Variants in KRT74 observed in about 807,000 individuals in gnomAD.
KRT74 encodes the protein keratin, type II cytoskeletal 74.
KRT74 carries 43 observed loss-of-function variants against 42.7 expected under a neutral mutation model. That is an observed-to-expected ratio of 1.01 (90% CI 0.79 to 1.30). The LOEUF (loss-of-function observed/expected upper bound fraction) is 1.30. Ranked by LOEUF, KRT74 falls within the 50% of genes most tolerant of loss-of-function variation. The pLI, the probability that KRT74 is intolerant of heterozygous loss-of-function variation, is 0.00. For missense variants in KRT74, 736 were observed against 689.1 expected, an observed-to-expected ratio of 1.07 and a Z score of -0.76; for synonymous variants, 302 against 279.0, an observed-to-expected ratio of 1.08 and a Z score of -0.82.
intron 6 of KRT74, among the ~76,000 whole-genome samples, chr12:52,568,966 G>C (rs1177629456): frequency 1.3e-5 from 2 of 152,158 alleles, no homozygotes; most frequent in Non-Finnish European, 2.9e-5. Flanking sequence ...TGAACATCTG[G>C]GGGGCATTGC....
At chr12:52,570,116 C>A (rs980313298) in intron 5 of KRT74, 132 bp from the exon 6 acceptor site, 5 of 1,014,836 alleles carry the variant, frequency 4.9e-6, no homozygotes, top group Non-Finnish European at 7.4e-6. Context: ...GGGACAGGGT[C>A]CTGGGGGCCC....
rs1939502015 is a variant in KRT74, at chr12:52,572,464, G to T, written c.675C>A (p.Asp225Glu). The T allele has an allele frequency of 6.2e-7, 1 of 1,613,990 alleles. No homozygotes were observed. The highest frequency in any genetic ancestry group is 8.5e-7 in the Non-Finnish European group (1 of 1,179,922). Residue 225 changes from aspartate to glutamate, a missense_variant, in exon 2 of 9, where the codon GAC becomes GAA. Transcript: ENST00000305620. ...ELRSMRDLVEDYKKRYEVEIN... is the reference protein window; with the variant it reads ...ELRSMRDLVEEYKKRYEVEIN... Reference sequence around the variant, plus strand: ...TGGAGCCTGCTCACCTCTTCTTATAGTCCTCCACCAGATCCCTCATGCTTC... The same window carrying T: ...TGGAGCCTGCTCACCTCTTCTTATATTCCTCCACCAGATCCCTCATGCTTC...
chr12:52,570,810 G>A lies in KRT74; in HGVS notation c.867C>T (p.His289=), dbSNP rs371350159. The change falls in exon 5 of 9, where the codon CAC becomes CAT. Residue 289 remains histidine (H), a synonymous_variant. Transcript: ENST00000305620. ...YDAEIAQIQT[H]ASETSVILSM... ...ACAGGATGACAGAGGTCTCACTGGC[G>A]TGAGTCTGGATCTGAGCGATCTCCT... 2.2e-5 allele frequency: 36 copies of A among 1,614,126 alleles called. No individual in the cohort carries two copies. Among genetic ancestry groups the A allele is most frequent in the Admixed American group, 3.3e-5 (2 of 60,016 alleles).
Position 52,572,001 on chromosome 12 carries a change from A to G in KRT74, c.690T>C (p.Tyr230=), listed in dbSNP as rs1170903281. The G allele has an allele frequency of 3.1e-6, 5 of 1,589,772 alleles. No homozygotes were observed. The highest frequency in any genetic ancestry group is 4.3e-6 in the Non-Finnish European group (5 of 1,158,334). The part of the protein sequence containing the change: ...RDLVEDYKKR[Y]EVEINRRTTA... ...TCGTGCGCCGGTTAATCTCCACTTC[A>G]TATCTGCCAGCAGGGAGAGTAGATG... Residue 230 remains tyrosine, a synonymous_variant, in exon 3 of 9, where the codon TAT becomes TAC. Transcript: ENST00000305620.
chr12:52,573,453 G>A lies in KRT74; in HGVS notation c.325C>T (p.Pro109Ser), dbSNP rs1939525623. ...ACAGTGACCTGGTGGATGCCCCCAG[G>A]TGGGCACACAGACAAACATGCAGGC... is the stretch of plus-strand genomic sequence containing the variant. ...LGPACLSVCP[P>S]GGIHQVTVNK... Residue 109 changes from proline to serine, a missense_variant, in exon 1 of 9, where the codon CCT becomes TCT. Transcript: ENST00000305620. 2 of 1,614,060 alleles carry A rather than the reference G, an allele frequency of 1.2e-6. No individual in the cohort carries two copies. The highest frequency in any genetic ancestry group is 1.7e-6 in the Non-Finnish European group (2 of 1,180,042).
chr12:52,567,758 G>T, intron 7 of KRT74, 65 bp from the exon 8 acceptor site: 1 of 1,198,196 alleles, frequency 8.3e-7, no homozygotes, highest in Non-Finnish European at 1.2e-6. Context: ...ACATCAATGG[G>T]CTCCTGCTTT....
intron 6 of KRT74, chr12:52,569,479 A>G (rs1231939427): frequency 3.2e-6 from 2 of 615,932 alleles, no homozygotes; most frequent in Non-Finnish European, 5.8e-6. Flanking sequence ...GTCTGCCCTC[A>G]GAGGGGGCAC....
At chr12:52,567,637 G>C (rs1939402635) in intron 8 of KRT74, 22 bp downstream of exon 8, 1 of 1,592,334 alleles carries the variant, frequency 6.3e-7, no homozygotes, top group African/African-American at 1.3e-5. Context: ...CCCAACCCAA[G>C]GCATCTCTCA....
At position 52,573,207 on chromosome 12, in the gene KRT74, A is replaced by T; in HGVS notation, c.471+100T>A. The T allele has an allele frequency of 2.5e-6, 3 of 1,200,286 alleles. No homozygotes were observed. The East Asian group carries it at 7.0e-5, about 28-fold the overall frequency. 74.4% of individuals were successfully genotyped at this position (1,200,286 alleles called of 1,614,324 possible). A position where few individuals can be genotyped will look rare whatever the true frequency, so the allele number is the denominator to read the frequency against. On this transcript the variant is annotated intron_variant, in intron 1 of 8. Transcript: ENST00000305620. ...GGTGAGGAAGCCCTTCCTGAGGCCC[A>T]GCTGCACCTTTCCAGCCACAGTGTG...
chr12:52,573,652 G>T lies in KRT74; in HGVS notation c.126C>A (p.Gly42=). ...AGAGGCTCCGACTGCCAAAGCCAGC[G>T]CCAGCCCCTCTGCCAGCTGCACAGT... ...ASYCAAGRGA[G]AGFGSRSLYS... The change falls in exon 1 of 9, where the codon GGC becomes GGA. Residue 42 remains glycine (G), a synonymous_variant. Transcript: ENST00000305620. The T allele has an allele frequency of 6.2e-7, 1 of 1,613,976 alleles. No individual in the cohort carries two copies. Among genetic ancestry groups the T allele is most frequent in the South Asian group, 1.1e-5 (1 of 91,078 alleles).
In KRT74 at chr12:52,570,666, C is replaced by G. The variant is rs749839469; in HGVS notation, c.1008+3G>C. Reference sequence around the variant, plus strand: ...TGTGGGAGGAGACCCATTCGGTGACCACCTTGGTCTGGTACAGGGCCTCGG... The same window carrying G: ...TGTGGGAGGAGACCCATTCGGTGACGACCTTGGTCTGGTACAGGGCCTCGG... On this transcript the variant is annotated splice_donor_region_variant and intron_variant, in intron 5 of 8. Transcript: ENST00000305620. 4 of 1,614,214 alleles carry G rather than the reference C, an allele frequency of 2.5e-6. No homozygotes were observed. Among genetic ancestry groups the G allele is most frequent in the Non-Finnish European group, 1.7e-6 (2 of 1,180,044 alleles).
intron 4 of KRT74, 56 bp downstream of exon 4, chr12:52,571,303 C>T: frequency 2.8e-6 from 3 of 1,086,424 alleles, no homozygotes; most frequent in Non-Finnish European, 4.3e-6. Flanking sequence ...TTGGTATCTC[C>T]CTGGAAGAGT....
intron 4 of KRT74, among the ~76,000 whole-genome samples, chr12:52,571,138 C>T (rs1370716314): frequency 2.0e-5 from 3 of 152,246 alleles, no homozygotes; most frequent in Admixed American, 1.3e-4. Context: ...TCTTTTCCTG[C>T]CCGTGGGCAA....
In KRT74 at chr12:52,569,934, G is replaced by A. The variant is rs1164639032; in HGVS notation, c.1059C>T (p.His353=). The stretch of plus-strand genomic sequence containing the variant: ...TCAGCTCCACCATCTCGCTCCTGGT[G>A]TGTTTCAGGTCGTCACCATGCCGAC... ...AASRHGDDLK[H]TRSEMVELNR... The change falls in exon 6 of 9, where the codon CAC becomes CAT. Residue 353 remains histidine (H), a synonymous_variant. Coordinates refer to ENST00000305620, the MANE Select transcript of KRT74 (RefSeq NM_175053.4). 3 of 1,614,062 alleles carry A rather than the reference G, an allele frequency of 1.9e-6. No homozygotes were observed. The highest frequency in any genetic ancestry group is 2.7e-5 in the African/African-American group (2 of 74,926).
rs528733762 is a variant in KRT74, at chr12:52,572,702, A to G, written c.472-35T>C. 29 of 1,585,760 alleles carry G rather than the reference A, an allele frequency of 1.8e-5. No individual in the cohort carries two copies. In the East Asian group the frequency reaches 5.1e-4, roughly 28 times the overall value. On this transcript the variant is annotated intron_variant, in intron 1 of 8. Transcript: ENST00000305620. ...AAATCAACAGACACCTGGAACCACA[A>G]TGGGTGCAGTCATGCCCCCTGGACA...
chr12:52,572,352 G>A (rs1187918568), intron 2 of KRT74, 101 bp downstream of exon 2: 2 of 1,248,488 alleles, frequency 1.6e-6, no homozygotes, highest in African/African-American at 1.5e-5. Context: ...CCTGACCCTG[G>A]TGCATACTCC....
Position 52,572,642 on chromosome 12 carries a change from T to C in KRT74, c.497A>G (p.Gln166Arg). Residue 166 changes from glutamine (Q) to arginine (R), a missense_variant, in exon 2 of 9, where the codon CAG (glutamine) becomes CGG (arginine). Gln to Arg is a conservative substitution (Grantham distance 43). Transcript: ENST00000305620. ...CAGCTCCCACTTGGTTTCTAGAACCTGGTTCTGCTGCTCTAGGAAGCGTAC... is the reference window on the plus strand; with the variant it reads ...CAGCTCCCACTTGGTTTCTAGAACCCGGTTCTGCTGCTCTAGGAAGCGTAC... ...DKVRFLEQQN[Q>R]VLETKWELLQ... The C allele has an allele frequency of 6.2e-7, 1 of 1,614,212 alleles. No homozygotes were observed. Among genetic ancestry groups the C allele is most frequent in the Non-Finnish European group, 8.5e-7 (1 of 1,180,030 alleles).
chr12:52,567,226 C>CCGT, intron 8 of KRT74, 58 bp from the exon 9 acceptor site: 1 of 1,414,298 alleles, frequency 7.1e-7, no homozygotes, highest in Non-Finnish European at 9.5e-7. Flanking sequence ...CAGATAACAG[C>CCGT]TATGGTAACG....
At chr12:52,567,237 G>T in intron 8 of KRT74, 69 bp from the exon 9 acceptor site, 2 of 1,357,910 alleles carry the variant, frequency 1.5e-6, no homozygotes, top group Non-Finnish European at 2.0e-6. Flanking sequence ...TATGGTAACG[G>T]CTGTCCCCAA....
Sources: allele counts gnomAD v4.1 joint callset (sites outside exome capture counted in the v4.1 genomes callset), GRCh38; gene constraint gnomAD v4.1.1; transcripts MANE v1.5; gene names NCBI Gene and HGNC (gene_info 2026-07-23, HGNC 2026-07-21).